The following AKAP11 variants were observed in gnomAD, a reference collection of about 807,000 sequenced individuals.
AKAP11 encodes A-kinase anchor protein 11.
A neutral mutation model predicts 146.1 loss-of-function variants in AKAP11; 36 were observed. The ratio of observed to expected loss-of-function variants is 0.25; its 90% CI spans 0.19 to 0.33. The LOEUF is 0.33. Among genes scored for constraint, AKAP11 ranks in the 10% least tolerant of loss-of-function variants. AKAP11 has a pLI of 1.00. For missense variants in AKAP11, 2,201 were observed against 2,197.0 expected, an observed-to-expected ratio of 1.00 and a Z score of -0.04; for synonymous variants, 780 against 786.5, an observed-to-expected ratio of 0.99 and a Z score of 0.14.
intron 3 of AKAP11, among the ~76,000 whole-genome samples, chr13:42,288,190 A>C (rs907708548): frequency 2.0e-5 from 3 of 152,186 alleles, no homozygotes; most frequent in Admixed American, 6.5e-5. Context: ...TTTCACTTTA[A>C]TTTGCATTAA....
At chr13:42,294,610 G>T (rs967219007) in intron 4 of AKAP11, among the ~76,000 whole-genome samples, 1 of 151,936 alleles carries the variant, frequency 6.6e-6, no homozygotes, top group Non-Finnish European at 1.5e-5. Flanking sequence ...CACCATGTTG[G>T]CCAGGCTGGT....
chr13:42,278,227 A>G (rs1958974650), intron 1 of AKAP11, among the ~76,000 whole-genome samples: 1 of 152,220 alleles, frequency 6.6e-6, no homozygotes, highest in Non-Finnish European at 1.5e-5. Context: ...AAAAGGCAGA[A>G]ACTATAAAGA....
chr13:42,299,425 C>A lies in AKAP11; in HGVS notation c.679C>A (p.His227Asn). 1 of 1,613,800 alleles carries A rather than the reference C, an allele frequency of 6.2e-7. No homozygotes were observed. Among genetic ancestry groups the A allele is most frequent in the South Asian group, 1.1e-5 (1 of 91,062 alleles). Residue 227 changes from histidine (H) to asparagine (N), a missense_variant, in exon 8 of 13, where the codon CAT becomes AAT. Coordinates refer to ENST00000025301, the MANE Select transcript of AKAP11 (RefSeq NM_016248.4). ...DAASQTVTGH[H>N]LETHDLKILI... ...TGCTTCCCAGACGGTTACTGGTCAT[C>A]ATTTAGAAACCCATGATTTAAAGAT...
At chr13:42,296,228 A>T (rs1959504811) in intron 5 of AKAP11, among the ~76,000 whole-genome samples, 1 of 152,158 alleles carries the variant, frequency 6.6e-6, no homozygotes, top group African/African-American at 2.4e-5. Flanking sequence ...ATAGAGGAGG[A>T]AATAACATTT....
chr13:42,306,070 G>T (rs1015774460), intron 8 of AKAP11, among the ~76,000 whole-genome samples: 1 of 152,132 alleles, frequency 6.6e-6, no homozygotes, highest in African/African-American at 2.4e-5. Flanking sequence ...TGAGATTTGG[G>T]TAGGGACATA....
intron 12 of AKAP11, among the ~76,000 whole-genome samples, chr13:42,318,575 ATTTG>A: frequency 6.6e-6 from 1 of 152,086 alleles, no homozygotes; most frequent in Non-Finnish European, 1.5e-5. Context: ...TTATTTATTT[ATTTG>A]TTGTTTTGTT....
chr13:42,300,689 C>G lies in AKAP11; in HGVS notation c.1943C>G (p.Ala648Gly), dbSNP rs770143575. The change falls in exon 8 of 13, where the codon GCA (alanine) becomes GGA (glycine). Residue 648 changes from alanine (A) to glycine (G), a missense_variant. Transcript: ENST00000025301. ...IFTNTVARFA[A>G]DLAEELVFEG... ...ACAAACACAGTTGCTAGGTTTGCTG[C>G]AGATCTTGCTGAAGAGCTTGTTTTT... The G allele has an allele frequency of 6.2e-7, 1 of 1,614,092 alleles. No individual in the cohort carries two copies. The highest frequency in any genetic ancestry group is 1.1e-5 in the South Asian group (1 of 91,080).
At chr13:42,279,889 G>A (rs539826786) in intron 1 of AKAP11, among the ~76,000 whole-genome samples, 20 of 152,270 alleles carry the variant, frequency 1.3e-4, no homozygotes, top group African/African-American at 4.6e-4. Flanking sequence ...ATTTATTAGT[G>A]TGGGTCCAGA....
At chr13:42,284,646 A>G (rs1959131591) in intron 1 of AKAP11, among the ~76,000 whole-genome samples, 1 of 149,462 alleles carries the variant, frequency 6.7e-6, no homozygotes, top group African/African-American at 2.6e-5. Context: ...ATAGTTTTCA[A>G]AGTACCTCCC....
rs1313644541 is a variant in AKAP11, at chr13:42,308,538, T to A, written c.5202T>A (p.Gly1734=). ...TCAGTATTGGTGATGACAGCACTGG[T>A]AGCTGGTCCAATTTAAGTTTTGAAG... ...MNLSIGDDST[G]SWSNLSFEDE... is the part of the protein sequence containing the mutation. Residue 1734 remains glycine (G), a synonymous_variant, in exon 9 of 13, where the codon GGT becomes GGA. Transcript: ENST00000025301. 2.5e-6 allele frequency: 4 copies of A among 1,613,604 alleles called. No homozygotes were observed. The South Asian group carries it at 4.4e-5, about 18-fold the overall frequency.
At chr13:42,293,118 G>T (rs1445942412) in intron 4 of AKAP11, among the ~76,000 whole-genome samples, 4 of 152,148 alleles carry the variant, frequency 2.6e-5, no homozygotes, top group Non-Finnish European at 5.9e-5. Flanking sequence ...AATACGAGAT[G>T]TATTAGGTCG....
chr13:42,317,115 C>T (rs751029395), intron 11 of AKAP11, among the ~76,000 whole-genome samples: 12 of 152,102 alleles, frequency 7.9e-5, no homozygotes, highest in Non-Finnish European at 1.5e-4. Flanking sequence ...TGGCCTCAAG[C>T]GATCTGCCCA....
intron 10 of AKAP11, 36 bp downstream of exon 10, chr13:42,313,166 C>T (rs1475706605): frequency 6.9e-7 from 1 of 1,456,580 alleles, no homozygotes; most frequent in South Asian, 1.2e-5. Flanking sequence ...ACTGATGAGT[C>T]TGTCACCACT....
At chr13:42,279,946 TCTACTAAGGCTGCTA>T (rs1436889256) in intron 1 of AKAP11, among the ~76,000 whole-genome samples, 1 of 152,204 alleles carries the variant, frequency 6.6e-6, no homozygotes, top group Non-Finnish European at 1.5e-5. Context: ...TAAGGCTGCT[TCTACTAAGGCTGCTA>T]CTTCTTCTGA....
chr13:42,300,514 T>C lies in AKAP11; in HGVS notation c.1768T>C (p.Ser590Pro). The change falls in exon 8 of 13, where the codon TCT (serine) becomes CCT (proline). Residue 590 changes from serine to proline, a missense_variant. Physicochemically the swap from Ser to Pro is moderately conservative, Grantham distance 74 (BLOSUM62 -1). This residue lies in a region of AKAP11 where 1,867 missense variants were observed against 1,833.5 expected (regional missense o/e 1.02). Coordinates refer to ENST00000025301, the MANE Select transcript of AKAP11 (RefSeq NM_016248.4). Reference protein sequence around the residue: ...LYHLAIKLTSSVLQMAFDELR... With the variant: ...LYHLAIKLTSPVLQMAFDELR... ...CCACTTAGCCATCAAATTGACATCATCTGTTTTGCAGATGGCATTTGATGA... is the reference window on the plus strand; with the variant it reads ...CCACTTAGCCATCAAATTGACATCACCTGTTTTGCAGATGGCATTTGATGA... 6.2e-7 allele frequency: 1 copy of C among 1,614,110 alleles called. No individual in the cohort carries two copies. The highest frequency in any genetic ancestry group is 1.3e-5 in the African/African-American group (1 of 75,042).
rs3783187 is a variant in AKAP11 at position 42,284,160 on chromosome 13, A to G, written c.-99-1826A>G. Reference sequence around the variant, plus strand: ...CCTATTCTGTAGTCTTAAGGACAACATGAGATGTTTACATAAACCTCTTAG... The same window carrying G: ...CCTATTCTGTAGTCTTAAGGACAACGTGAGATGTTTACATAAACCTCTTAG... On this transcript the variant is annotated intron_variant, in intron 1 of 12. Transcript: ENST00000025301. Among the ~76,000 whole-genome samples the G allele has an allele frequency of 5.9e-5, 9 of 152,320 alleles. No individual in the cohort carries two copies. The East Asian group carries it at 1.4e-3, about 23-fold the overall frequency.
At chr13:42,313,208 GGGTT>G in intron 10 of AKAP11, 78 bp downstream of exon 10, 5 of 1,092,054 alleles carry the variant, frequency 4.6e-6, no homozygotes, top group Non-Finnish European at 6.7e-6. Flanking sequence ...CAAAGAATGT[GGGTT>G]ACAGTGCCAG....
rs1296271532 is a variant in AKAP11, at chr13:42,320,628, C to T, written c.*1400C>T. ...GTATTTGGGTGTGTAAATGTTGGTT[C>T]TTCCACTACTGGATTTTGTAATCTA... is the stretch of plus-strand genomic sequence containing the variant. On this transcript the variant is annotated 3_prime_UTR_variant, in exon 13 of 13. Transcript: ENST00000025301. 1 of 149,516 alleles carries T rather than the reference C, an allele frequency of 6.7e-6. No individual in the cohort carries two copies. Among genetic ancestry groups the T allele is most frequent in the Non-Finnish European group, 1.5e-5 (1 of 67,636 alleles). The allele number at this position is 149,516 out of a possible 1,614,324, so 9.3% of individuals were successfully genotyped here.
rs556826589 is a variant in AKAP11, at chr13:42,317,913, A to G, written c.5565+225A>G. On this transcript the variant is annotated intron_variant, in intron 12 of 12. Transcript: ENST00000025301. ...ACTGCACTATGCAAATGAATATAGA[A>G]TCTACCTTACAGGGGTTTATGAGGA... 2.6e-5 allele frequency among the ~76,000 whole-genome samples: 4 copies of G among 152,332 alleles called. No homozygotes were observed. The East Asian group carries it at 7.7e-4, about 29-fold the overall frequency.
Sources: gnomAD v4.1 joint callset for allele counts (sites outside exome capture counted in the v4.1 genomes callset) on GRCh38, gnomAD v4.1.1 for gene constraint, gnomAD v4.1.1 regional missense constraint, MANE v1.5 for transcripts, NCBI Gene and HGNC (gene_info 2026-07-23, HGNC 2026-07-21) for gene names.